Variants in SETBP1 observed in about 807,000 individuals in gnomAD.
SETBP1 encodes SET-binding protein.
Under a neutral mutation model 101.0 loss-of-function variants are expected in SETBP1, and 9 were observed. The ratio of observed to expected loss-of-function variants is 0.09; its 90% CI spans 0.05 to 0.16. SETBP1 has a LOEUF of 0.16. Ranked by LOEUF, SETBP1 falls within the 10% of genes least tolerant of loss-of-function variation. SETBP1 has a pLI of 1.00. For synonymous variants in SETBP1, 818 were observed against 788.5 expected, an observed-to-expected ratio of 1.04 and a Z score of -0.63; for missense variants, 1,858 against 2,033.8, an observed-to-expected ratio of 0.91 and a Z score of 1.66.
chr18:44,868,842 A>G (rs1436657407), intron 2 of SETBP1, among the ~76,000 whole-genome samples: 1 of 152,206 alleles, frequency 6.6e-6, no homozygotes, highest in African/African-American at 2.4e-5. Context: ...CCACTTTGAT[A>G]GCAGGAAGAA....
At chr18:44,923,938 G>T (rs2070638099) in intron 3 of SETBP1, among the ~76,000 whole-genome samples, 1 of 152,204 alleles carries the variant, frequency 6.6e-6, no homozygotes, top group Admixed American at 6.5e-5. Context: ...TTGCTTAAGG[G>T]TAAAGAGAAT....
chr18:44,786,679 G>A (rs914969697), intron 2 of SETBP1, among the ~76,000 whole-genome samples: 1 of 152,200 alleles, frequency 6.6e-6, no homozygotes, highest in African/African-American at 2.4e-5. Flanking sequence ...AAGAGAAACT[G>A]CCCCGACAGA....
intron 4 of SETBP1, among the ~76,000 whole-genome samples, chr18:44,989,401 A>G (rs964938326): frequency 2.0e-5 from 3 of 152,204 alleles, no homozygotes; most frequent in African/African-American, 4.8e-5. Flanking sequence ...CAAAGAAATT[A>G]TATGTAATAT....
At chr18:45,049,406 G>A (rs1283849763) in intron 5 of SETBP1, among the ~76,000 whole-genome samples, 2 of 152,118 alleles carry the variant, frequency 1.3e-5, no homozygotes, top group Non-Finnish European at 2.9e-5. Context: ...GACAGCCATG[G>A]CCCAATTGCT....
chr18:44,754,915 C>T (rs1032922649), intron 2 of SETBP1, among the ~76,000 whole-genome samples: 10 of 152,202 alleles, frequency 6.6e-5, no homozygotes. Context: ...CTCCTTCAGC[C>T]TAGTGCTCTT....
intron 2 of SETBP1, among the ~76,000 whole-genome samples, chr18:44,749,233 C>G (rs1009934559): frequency 2.6e-5 from 4 of 152,202 alleles, no homozygotes; most frequent in Admixed American, 6.5e-5. Flanking sequence ...TTCATTACCC[C>G]TCGTTGGGGA....
intron 2 of SETBP1, among the ~76,000 whole-genome samples, chr18:44,787,429 T>G (rs1431026558): frequency 6.6e-6 from 1 of 152,162 alleles, no homozygotes; most frequent in Non-Finnish European, 1.5e-5. Flanking sequence ...AATGAACTAT[T>G]GTGGTAAATG....
At chr18:45,055,657 C>T (rs1287391062) in intron 5 of SETBP1, among the ~76,000 whole-genome samples, 2 of 151,934 alleles carry the variant, frequency 1.3e-5, no homozygotes, top group Admixed American at 6.6e-5. Flanking sequence ...TTCACATACA[C>T]GTAGATTCAA....
intron 3 of SETBP1, among the ~76,000 whole-genome samples, chr18:44,930,521 C>T (rs1156469925): frequency 6.6e-6 from 1 of 152,156 alleles, no homozygotes; most frequent in African/African-American, 2.4e-5. Context: ...GTACCAGTTC[C>T]TCTTTGTACC....
intron 2 of SETBP1, among the ~76,000 whole-genome samples, chr18:44,713,120 G>C (rs1239738338): frequency 6.6e-6 from 1 of 151,920 alleles, no homozygotes; most frequent in Non-Finnish European, 1.5e-5. Context: ...CACTGCACCT[G>C]GCTAATTTTT....
intron 2 of SETBP1, among the ~76,000 whole-genome samples, chr18:44,795,793 C>T (rs2071462568): frequency 6.6e-6 from 1 of 152,158 alleles, no homozygotes; most frequent in Non-Finnish European, 1.5e-5. Context: ...AGAACTCAGT[C>T]AACATAAGCT....
chr18:44,990,395 A>T (rs2072340219), intron 4 of SETBP1, among the ~76,000 whole-genome samples: 1 of 152,046 alleles, frequency 6.6e-6, no homozygotes, highest in Non-Finnish European at 1.5e-5. Context: ...GGAGTTTAAG[A>T]CCAGCCTGGG....
chr18:44,864,729 G>A (rs896914718), intron 2 of SETBP1, among the ~76,000 whole-genome samples: 12 of 152,098 alleles, frequency 7.9e-5, no homozygotes, highest in South Asian at 2.1e-4. Flanking sequence ...GGAGCGGTGC[G>A]GACATTTAGC....
chr18:44,708,065 G>A (rs997702947), intron 2 of SETBP1, among the ~76,000 whole-genome samples: 2 of 152,222 alleles, frequency 1.3e-5, no homozygotes, highest in South Asian at 2.1e-4. Flanking sequence ...GAGAGGAGGT[G>A]TTTGGCAGAG....
At position 44,949,912 on chromosome 18, in the gene SETBP1, T is replaced by C; in HGVS notation, c.572T>C (p.Leu191Pro). ...AYERPQKHST[L>P]HYDTGLPQDF... The stretch of plus-strand genomic sequence containing the variant: ...GAGAGGCCCCAGAAACATTCAACTC[T>C]CCATTATGACACGGGCCTCCCACAG... Residue 191 changes from leucine to proline, a missense_variant, in exon 4 of 6, where the codon CTC becomes CCC. Transcript: ENST00000649279. 1 of 1,613,606 alleles carries C rather than the reference T, an allele frequency of 6.2e-7. No individual in the cohort carries two copies. The highest frequency in any genetic ancestry group is 8.5e-7 in the Non-Finnish European group (1 of 1,179,986).
chr18:45,010,549 A>G (rs1599444154), intron 4 of SETBP1, among the ~76,000 whole-genome samples: 1 of 152,248 alleles, frequency 6.6e-6, no homozygotes, highest in Non-Finnish European at 1.5e-5. Flanking sequence ...AAGCACATAC[A>G]AAGGCATCGC....
chr18:44,873,422 T>G (rs749681385), intron 3 of SETBP1, among the ~76,000 whole-genome samples: 1 of 152,206 alleles, frequency 6.6e-6, no homozygotes, highest in African/African-American at 2.4e-5. Flanking sequence ...AGTGAGGTAT[T>G]GTTTCTTCCA....
intron 2 of SETBP1, among the ~76,000 whole-genome samples, chr18:44,856,794 G>A (rs1182004775): frequency 1.3e-5 from 2 of 152,204 alleles, no homozygotes; most frequent in Admixed American, 6.5e-5. Context: ...AATGGCCACT[G>A]CTGTTAACAT....
intron 4 of SETBP1, among the ~76,000 whole-genome samples, chr18:44,957,816 G>A (rs1371313202): frequency 2.0e-5 from 3 of 152,152 alleles, no homozygotes; most frequent in Admixed American, 6.6e-5. Context: ...TCCTTAAAAT[G>A]GAATAAAAGG....
Sources: gnomAD v4.1 joint callset for allele counts (sites outside exome capture counted in the v4.1 genomes callset) on GRCh38, gnomAD v4.1.1 for gene constraint, MANE v1.5 for transcripts, NCBI Gene and HGNC (gene_info 2026-07-23, HGNC 2026-07-21) for gene names.